Variants in PHACTR1 observed in about 807,000 individuals in gnomAD.
The protein encoded by PHACTR1 is phosphatase and actin regulator 1, also known as RPEL repeat containing 1.
PHACTR1 carries 16 observed loss-of-function variants against 69.2 expected under a neutral mutation model. The observed-to-expected ratio is 0.23, with a 90% CI of 0.16 to 0.35. PHACTR1 has a LOEUF of 0.35. Ranked by LOEUF, PHACTR1 falls within the 10% of genes least tolerant of loss-of-function variation. PHACTR1 has a pLI of 1.00. For missense variants in PHACTR1, 510 were observed against 734.7 expected (o/e 0.69, Z 3.54); for synonymous variants, 312 against 284.5 (o/e 1.10, Z -0.97).
intron 8 of PHACTR1, among the ~76,000 whole-genome samples, chr6:13,217,406 C>T (rs1015445832): frequency 1.3e-5 from 2 of 152,190 alleles, no homozygotes; most frequent in African/African-American, 2.4e-5. Context: ...CACTCACCAG[C>T]GTCTAGGGAC....
At chr6:12,730,118 C>A (rs1228445435) in intron 3 of PHACTR1, among the ~76,000 whole-genome samples, 1 of 152,162 alleles carries the variant, frequency 6.6e-6, no homozygotes, top group East Asian at 1.9e-4. Context: ...GTATGGAGAT[C>A]TTGGAAAACC....
chr6:12,893,947 C>T (rs1470121552), intron 4 of PHACTR1, among the ~76,000 whole-genome samples: 1 of 152,182 alleles, frequency 6.6e-6, no homozygotes, highest in Admixed American at 6.5e-5. Flanking sequence ...AGACAAGACA[C>T]CTTAGGCTGA....
intron 4 of PHACTR1, among the ~76,000 whole-genome samples, chr6:12,870,170 A>G (rs1397371964): frequency 6.6e-6 from 1 of 152,170 alleles, no homozygotes; most frequent in Non-Finnish European, 1.5e-5. Flanking sequence ...AACATCTCTA[A>G]TTGGCTCAAG....
intron 4 of PHACTR1, among the ~76,000 whole-genome samples, chr6:12,831,584 T>A (rs1026572712): frequency 6.6e-6 from 1 of 152,164 alleles, no homozygotes; most frequent in Admixed American, 6.5e-5. Flanking sequence ...CAAGTGTGGC[T>A]TCTCTCGAAG....
chr6:13,271,895 G>A (rs956338127), intron 10 of PHACTR1, among the ~76,000 whole-genome samples: 7 of 152,042 alleles, frequency 4.6e-5, no homozygotes, highest in African/African-American at 1.4e-4. Flanking sequence ...AGGAGGGACT[G>A]CAACTTCCTC....
intron 6 of PHACTR1, among the ~76,000 whole-genome samples, chr6:13,173,777 C>T (rs995344219): frequency 7.2e-5 from 11 of 152,152 alleles, no homozygotes; most frequent in African/African-American, 2.4e-4. Flanking sequence ...GGCGCAATCT[C>T]GGCTCACTGC....
intron 10 of PHACTR1, among the ~76,000 whole-genome samples, chr6:13,258,974 T>A (rs1449664923): frequency 6.6e-6 from 1 of 152,224 alleles, no homozygotes; most frequent in Non-Finnish European, 1.5e-5. Flanking sequence ...TGGCACATAA[T>A]ACACGCAGGG....
At chr6:12,894,154 A>G (rs1394414364) in intron 4 of PHACTR1, among the ~76,000 whole-genome samples, 1 of 152,260 alleles carries the variant, frequency 6.6e-6, no homozygotes, top group Non-Finnish European at 1.5e-5. Flanking sequence ...CATCTATTCA[A>G]GTACTTTTTG....
At chr6:12,949,713 C>A (rs991454612) in intron 4 of PHACTR1, among the ~76,000 whole-genome samples, 3 of 151,938 alleles carry the variant, frequency 2.0e-5, no homozygotes, top group African/African-American at 4.8e-5. Flanking sequence ...CCTTTTAAAT[C>A]AAAAATGGTT....
rs556544908 is a variant in PHACTR1 at position 12,854,495 on chromosome 6, A to T, written c.250+104705A>T. Among the ~76,000 whole-genome samples the T allele has an allele frequency of 2.0e-5, 3 of 152,330 alleles. No homozygotes were observed. In the South Asian group the frequency reaches 6.2e-4, roughly 32 times the overall value. ...GTGTACCTAAGGAAATATCACCGTT[A>T]GATGGATGAATTTTTGTCCAGGGAC... On this transcript the variant is annotated intron_variant, in intron 4 of 14. Transcript: ENST00000332995.
At chr6:13,254,314 G>T (rs1031282550) in intron 10 of PHACTR1, among the ~76,000 whole-genome samples, 2 of 152,192 alleles carry the variant, frequency 1.3e-5, no homozygotes, top group Non-Finnish European at 2.9e-5. Context: ...AACATTAGAG[G>T]TTATGTATTT....
chr6:13,000,639 A>AGGAAGGAAGGAG (rs1797977701), intron 4 of PHACTR1, among the ~76,000 whole-genome samples: 1 of 77,156 alleles, frequency 1.3e-5, no homozygotes, highest in Non-Finnish European at 2.3e-5. Flanking sequence ...GAAGGAAGGA[A>AGGAAGGAAGGAG]GGGGGGAGGG....
At chr6:12,902,514 G>T (rs1785313108) in intron 4 of PHACTR1, among the ~76,000 whole-genome samples, 1 of 151,976 alleles carries the variant, frequency 6.6e-6, no homozygotes, top group African/African-American at 2.4e-5. Flanking sequence ...TGAACTTCTA[G>T]GTTCTTCCAT....
At chr6:13,196,053 A>G (rs551707332) in intron 7 of PHACTR1, among the ~76,000 whole-genome samples, 1 of 152,240 alleles carries the variant, frequency 6.6e-6, no homozygotes, top group South Asian at 2.1e-4. Flanking sequence ...ATCAACAGAG[A>G]CAGTTTTATG....
intron 3 of PHACTR1, among the ~76,000 whole-genome samples, chr6:12,728,586 C>T (rs491451): frequency 0.14 from 21,811 of 152,088 alleles, 2,209 homozygotes; most frequent in East Asian, 0.52. Flanking sequence ...TTTAATCTCT[C>T]TCTGCCTCAC....
chr6:13,152,579 G>T (rs978921363), intron 5 of PHACTR1, among the ~76,000 whole-genome samples: 2 of 152,196 alleles, frequency 1.3e-5, no homozygotes, highest in African/African-American at 4.8e-5. Context: ...CATTTCTAAA[G>T]TACTGGCTCA....
At chr6:13,088,353 T>C (rs1376573677) in intron 5 of PHACTR1, among the ~76,000 whole-genome samples, 2 of 144,668 alleles carry the variant, frequency 1.4e-5, no homozygotes, top group Admixed American at 6.9e-5. Context: ...CTCAGAGCTG[T>C]GCTTCTGGTT....
chr6:13,176,019 C>T (rs1761270876), intron 6 of PHACTR1, among the ~76,000 whole-genome samples: 2 of 152,088 alleles, frequency 1.3e-5, no homozygotes, highest in South Asian at 4.1e-4. Flanking sequence ...TGCTTATACC[C>T]CAGCAATGAA....
At position 13,021,076 on chromosome 6, in the gene PHACTR1, A is replaced by T. The variant is rs373361489; in HGVS notation, c.251-32289A>T. On this transcript the variant is annotated intron_variant, in intron 4 of 14. Transcript: ENST00000332995. ...TAATTTAATAGTGTTTAAGTCATAG[A>T]ATTGTCATCCATCACCACAATCAAT... Among the ~76,000 whole-genome samples, 38 of 152,322 alleles carry T rather than the reference A, an allele frequency of 2.5e-4. 1 individual carries two copies. Among genetic ancestry groups the T allele is most frequent in the African/African-American group, 8.7e-4 (36 of 41,568 alleles).
Sources: gnomAD v4.1 joint callset for allele counts (sites outside exome capture counted in the v4.1 genomes callset) on GRCh38, gnomAD v4.1.1 for gene constraint, MANE v1.5 for transcripts, NCBI Gene and HGNC (gene_info 2026-07-23, HGNC 2026-07-21) for gene names.